FBXW8: variants seen among roughly 807,000 people sequenced by gnomAD.
The protein encoded by FBXW8 is F-box/WD repeat-containing protein 8.
A neutral mutation model predicts 65.3 loss-of-function variants in FBXW8; 57 were observed. The observed-to-expected ratio is 0.87, with a 90% CI of 0.71 to 1.09. The LOEUF is 1.09. Among genes scored for constraint, FBXW8 ranks in the 50% least tolerant of loss-of-function variants. The pLI is 0.00. For synonymous variants in FBXW8, 308 were observed against 330.2 expected (o/e 0.93, Z 0.73); for missense variants, 777 against 814.8 (o/e 0.95, Z 0.57).
Position 117,010,341 on chromosome 12 carries a change from G to T in FBXW8, c.1258G>T (p.Glu420Ter). ...EGSKILVYSL[E>*]AGRRLLKLGN... ...CTCTCAGATCCTGGTGTATAGCCTG[G>T]AAGCAGGACGCCGCCTCTTGAAGCT... Residue 420 changes from glutamate (E) to a stop codon, truncating the protein, a stop_gained, in exon 8 of 11, where the codon GAA becomes TAA. Coordinates refer to ENST00000652555, the MANE Select transcript of FBXW8 (RefSeq NM_153348.3). LOFTEE classifies it high-confidence loss of function. The T allele has an allele frequency of 6.2e-7, 1 of 1,614,228 alleles. No homozygotes were observed. Among genetic ancestry groups the T allele is most frequent in the East Asian group, 2.2e-5 (1 of 44,886 alleles).
At chr12:116,991,909 T>TA (rs780690379) in intron 7 of FBXW8, among the ~76,000 whole-genome samples, 6 of 152,192 alleles carry the variant, frequency 3.9e-5, no homozygotes, top group Admixed American at 6.5e-5. Flanking sequence ...ATGCCCACAT[T>TA]AGCATGTTAC....
chr12:117,008,898 C>T (rs889779673), intron 7 of FBXW8, among the ~76,000 whole-genome samples: 8 of 151,968 alleles, frequency 5.3e-5, no homozygotes, highest in Admixed American at 2.6e-4. Context: ...GTCAGGAGAT[C>T]GAGACCAGCC....
intron 1 of FBXW8, among the ~76,000 whole-genome samples, chr12:116,914,726 T>G (rs1281517620): frequency 1.3e-5 from 2 of 151,844 alleles, no homozygotes; most frequent in African/African-American, 4.8e-5. Context: ...AAATACAAAA[T>G]TAGCCAGGCA....
At position 116,975,769 on chromosome 12, in the gene FBXW8, C is replaced by T. The variant is rs571855275; in HGVS notation, c.836-9437C>T. Among the ~76,000 whole-genome samples the T allele has an allele frequency of 2.0e-5, 3 of 152,228 alleles. No individual in the cohort carries two copies. The South Asian group carries it at 6.2e-4, about 32-fold the overall frequency. On this transcript the variant is annotated intron_variant, in intron 5 of 10. Transcript: ENST00000652555. Reference sequence around the variant, plus strand: ...AGGAAACAGCAGACAATTGAGAGGCCTACACAATAAATGAGCAGTACTTTT... The same window carrying T: ...AGGAAACAGCAGACAATTGAGAGGCTTACACAATAAATGAGCAGTACTTTT...
At chr12:117,012,447 G>T (rs1157348918) in intron 8 of FBXW8, among the ~76,000 whole-genome samples, 1 of 152,146 alleles carries the variant, frequency 6.6e-6, no homozygotes, top group African/African-American at 2.4e-5. Context: ...GCCATCATAT[G>T]TAAGAATACT....
In FBXW8 at chr12:116,949,560, T is replaced by G. The variant is rs559069589; in HGVS notation, c.589-58T>G. ...GAAAGTAGGTGAAAAAGCACGATGC[T>G]TGGCTTTCGGGCTGTCCCGAGAGCA... On this transcript the variant is annotated intron_variant, in intron 3 of 10. Coordinates refer to ENST00000652555, the MANE Select transcript of FBXW8 (RefSeq NM_153348.3). The G allele has an allele frequency of 1.2e-4, 182 of 1,510,036 alleles. 1 individual carries two copies. Among genetic ancestry groups the G allele is most frequent in the Non-Finnish European group, 1.6e-4 (173 of 1,085,446 alleles). The allele number at this position is 1,510,036 out of a possible 1,614,324, so 93.5% of individuals were successfully genotyped here.
At position 117,010,468 on chromosome 12, in the gene FBXW8, G is replaced by T. The variant is rs1158810184; in HGVS notation, c.1367+18G>T. ...GACGGGAGGTACGTGAGTTGGAAGG[G>T]CATTGCCTTGCAGCCCCATGGCTTC... On this transcript the variant is annotated intron_variant, in intron 8 of 10. Coordinates refer to ENST00000652555, the MANE Select transcript of FBXW8 (RefSeq NM_153348.3). 3 of 1,614,008 alleles carry T rather than the reference G, an allele frequency of 1.9e-6. No individual in the cohort carries two copies. Among genetic ancestry groups the T allele is most frequent in the Non-Finnish European group, 2.5e-6 (3 of 1,180,014 alleles).
At chr12:117,011,018 G>A (rs1048768580) in intron 8 of FBXW8, among the ~76,000 whole-genome samples, 2 of 152,194 alleles carry the variant, frequency 1.3e-5, no homozygotes, top group East Asian at 1.9e-4. Flanking sequence ...TGCCAGCCCC[G>A]GGCGCCCCAG....
chr12:117,024,050 T>C, intron 8 of FBXW8, 97 bp from the exon 9 acceptor site: 1 of 1,263,284 alleles, frequency 7.9e-7, no homozygotes, highest in Non-Finnish European at 1.1e-6. Flanking sequence ...TTCATAGCAG[T>C]GTTGTGCATA....
intron 2 of FBXW8, among the ~76,000 whole-genome samples, chr12:116,931,831 A>G (rs1881792536): frequency 6.6e-6 from 1 of 151,804 alleles, no homozygotes; most frequent in South Asian, 2.1e-4. Flanking sequence ...TTCTGCTTGG[A>G]TGCCTTTTAT....
At chr12:116,918,697 C>T (rs914335149) in intron 1 of FBXW8, among the ~76,000 whole-genome samples, 2 of 152,184 alleles carry the variant, frequency 1.3e-5, no homozygotes, top group Non-Finnish European at 2.9e-5. Context: ...TGTTCAGACT[C>T]GAATCCATTG....
intron 7 of FBXW8, among the ~76,000 whole-genome samples, chr12:117,005,311 C>T (rs1953648213): frequency 6.6e-6 from 1 of 152,220 alleles, no homozygotes; most frequent in African/African-American, 2.4e-5. Context: ...AACACAAATG[C>T]AGGCACTTAG....
intron 1 of FBXW8, among the ~76,000 whole-genome samples, chr12:116,922,324 A>G (rs1326393049): frequency 1.3e-5 from 2 of 151,912 alleles, no homozygotes; most frequent in African/African-American, 2.4e-5. Flanking sequence ...GTGTGGGTCT[A>G]CTCCACTCAG....
intron 2 of FBXW8, among the ~76,000 whole-genome samples, chr12:116,933,440 A>C (rs1881926989): frequency 6.6e-6 from 1 of 152,254 alleles, no homozygotes; most frequent in Admixed American, 6.5e-5. Context: ...TAGTGGAAGA[A>C]GAGATCCCCT....
chr12:116,953,583 A>G (rs978837576), intron 4 of FBXW8, among the ~76,000 whole-genome samples: 5 of 151,624 alleles, frequency 3.3e-5, no homozygotes, highest in African/African-American at 1.2e-4. Flanking sequence ...CATCCTGGCT[A>G]ACACGGTGAA....
chr12:116,915,793 C>T (rs1880361829), intron 1 of FBXW8, among the ~76,000 whole-genome samples: 1 of 151,884 alleles, frequency 6.6e-6, no homozygotes, highest in Admixed American at 6.6e-5. Context: ...GCTGTGACTA[C>T]AGGCATGCAC....
intron 5 of FBXW8, among the ~76,000 whole-genome samples, chr12:116,970,456 T>C (rs527257307): frequency 1.3e-5 from 2 of 152,080 alleles, no homozygotes; most frequent in South Asian, 4.2e-4. Context: ...TGGGCGGAGG[T>C]GACTATGATT....
intron 2 of FBXW8, among the ~76,000 whole-genome samples, chr12:116,934,604 A>G (rs1416085918): frequency 2.0e-5 from 3 of 152,170 alleles, no homozygotes; most frequent in Non-Finnish European, 4.4e-5. Context: ...GCTTTTAGGT[A>G]TTTACCAATA....
At chr12:116,922,704 A>C (rs756060017) in intron 1 of FBXW8, among the ~76,000 whole-genome samples, 1 of 152,188 alleles carries the variant, frequency 6.6e-6, no homozygotes, top group Non-Finnish European at 1.5e-5. Context: ...TCTCTTTGCA[A>C]TTTCTCTCAG....
Sources: gnomAD v4.1 joint callset for allele counts (sites outside exome capture counted in the v4.1 genomes callset) on GRCh38, gnomAD v4.1.1 for gene constraint, MANE v1.5 for transcripts, NCBI Gene and HGNC (gene_info 2026-07-23, HGNC 2026-07-21) for gene names.